The following FRMD5 variants were observed in gnomAD, a reference collection of about 807,000 sequenced individuals.
The protein encoded by FRMD5 is FERM domain containing 5, also known as FERM domain-containing protein 5.
Under a neutral mutation model 69.0 loss-of-function variants are expected in FRMD5, and 20 were observed. That is an observed-to-expected ratio of 0.29 (90% CI 0.20 to 0.42). The LOEUF (loss-of-function observed/expected upper bound fraction) is 0.42, where lower values mean the gene tolerates loss of function less well. Among genes scored for constraint, FRMD5 ranks in the 10% least tolerant of loss-of-function variants. The pLI, the probability that FRMD5 is intolerant of heterozygous loss-of-function variation, is 1.00. For missense variants in FRMD5, 595 were observed against 708.6 expected (o/e 0.84, Z 1.82); for synonymous variants, 271 against 260.1 (o/e 1.04, Z -0.40).
chr15:44,027,917 T>A (rs916984187), intron 1 of FRMD5, among the ~76,000 whole-genome samples: 1 of 152,016 alleles, frequency 6.6e-6, no homozygotes, highest in Non-Finnish European at 1.5e-5. Flanking sequence ...GTGCTGGGAT[T>A]ACAGGCATGA....
At chr15:43,932,188 C>G (rs2089687212) in intron 1 of FRMD5, among the ~76,000 whole-genome samples, 1 of 152,190 alleles carries the variant, frequency 6.6e-6, no homozygotes, top group South Asian at 2.1e-4. Context: ...GATGGATGGA[C>G]TTGAATGCAC....
At chr15:44,033,570 A>G (rs1041189675) in intron 1 of FRMD5, among the ~76,000 whole-genome samples, 4 of 152,186 alleles carry the variant, frequency 2.6e-5, no homozygotes, top group Non-Finnish European at 4.4e-5. Flanking sequence ...GCTTTCATTT[A>G]TTCCATTGTT....
intron 1 of FRMD5, among the ~76,000 whole-genome samples, chr15:44,020,698 G>A (rs1004277591): frequency 6.6e-6 from 1 of 152,160 alleles, no homozygotes; most frequent in Non-Finnish European, 1.5e-5. Flanking sequence ...CTATTCACAA[G>A]TAATAGCTAT....
chr15:44,018,326 C>A (rs552704216), intron 1 of FRMD5, among the ~76,000 whole-genome samples: 1 of 152,242 alleles, frequency 6.6e-6, no homozygotes, highest in East Asian at 1.9e-4. Flanking sequence ...TTGTTTCATG[C>A]CTCAGTGGGA....
chr15:44,104,432 A>G (rs1435806757), intron 1 of FRMD5, among the ~76,000 whole-genome samples: 1 of 152,196 alleles, frequency 6.6e-6, no homozygotes, highest in Non-Finnish European at 1.5e-5. Flanking sequence ...GTGTACATCA[A>G]TGTCTGAGAC....
intron 1 of FRMD5, among the ~76,000 whole-genome samples, chr15:44,117,448 G>A (rs2076885077): frequency 6.6e-6 from 1 of 152,164 alleles, no homozygotes; most frequent in African/African-American, 2.4e-5. Context: ...AGGACAAGAT[G>A]AAAGGGAAAA....
intron 1 of FRMD5, among the ~76,000 whole-genome samples, chr15:44,166,791 A>G (rs2077717195): frequency 6.8e-6 from 1 of 147,864 alleles, no homozygotes; most frequent in Non-Finnish European, 1.5e-5. Context: ...CTCAAAAAAA[A>G]AAAAAAAAAA....
At chr15:43,979,950 A>G (rs542503660) in intron 1 of FRMD5, among the ~76,000 whole-genome samples, 6 of 152,370 alleles carry the variant, frequency 3.9e-5, no homozygotes, top group African/African-American at 1.4e-4. Context: ...TAATTGGAGA[A>G]CAGAGTATTT....
intron 1 of FRMD5, among the ~76,000 whole-genome samples, chr15:44,006,657 C>A (rs1297611357): frequency 1.3e-5 from 2 of 152,030 alleles, no homozygotes; most frequent in Non-Finnish European, 2.9e-5. Flanking sequence ...TGATTCCAAC[C>A]CTTGATTTCA....
chr15:44,157,567 T>C (rs1266272606), intron 1 of FRMD5, among the ~76,000 whole-genome samples: 2 of 152,170 alleles, frequency 1.3e-5, no homozygotes, highest in African/African-American at 2.4e-5. Context: ...AATTGTTCAA[T>C]GTGCTAAAAC....
At chr15:44,142,252 C>T (rs2077285370) in intron 1 of FRMD5, among the ~76,000 whole-genome samples, 1 of 152,072 alleles carries the variant, frequency 6.6e-6, no homozygotes, top group Admixed American at 6.6e-5. Context: ...CCATCAAAAC[C>T]CTTATAAGAC....
At chr15:43,881,618 G>C (rs922395147) in intron 13 of FRMD5, among the ~76,000 whole-genome samples, 2 of 152,182 alleles carry the variant, frequency 1.3e-5, no homozygotes, top group Non-Finnish European at 2.9e-5. Flanking sequence ...ACTCTGCACT[G>C]TGCTTGCTGC....
At chr15:44,050,528 CTTTTTTTTTT>C (rs34133842) in intron 1 of FRMD5, among the ~76,000 whole-genome samples, 2 of 93,758 alleles carry the variant, frequency 2.1e-5, no homozygotes, top group African/African-American at 7.0e-5. Flanking sequence ...GCCTGGCTCC[CTTTTTTTTTT>C]TTTTTTTTTT....
intron 1 of FRMD5, among the ~76,000 whole-genome samples, chr15:44,098,115 C>T (rs2042740): frequency 5.1e-4 from 8 of 15,730 alleles, no homozygotes; most frequent in African/African-American, 9.0e-4. Context: ...AGTGACAAAA[C>T]AAAAAAAAAA....
chr15:43,950,714 G>A (rs926096620), intron 1 of FRMD5, among the ~76,000 whole-genome samples: 11 of 152,176 alleles, frequency 7.2e-5, no homozygotes, highest in Admixed American at 2.6e-4. Flanking sequence ...TTGACAATAA[G>A]GCACAGCTGG....
chr15:44,197,774 A>G (rs540470772), upstream of FRMD5, among the ~76,000 whole-genome samples: 1 of 152,282 alleles, frequency 6.6e-6, no homozygotes, highest in South Asian at 2.1e-4. Context: ...TAGAATCAAC[A>G]AGAGCAAGAA....
chr15:44,167,136 G>T (rs1446371377), intron 1 of FRMD5, among the ~76,000 whole-genome samples: 3 of 152,136 alleles, frequency 2.0e-5, no homozygotes, highest in Non-Finnish European at 4.4e-5. Context: ...GGTTCATATT[G>T]GCTGCCCAGA....
At chr15:43,888,536 C>T (rs1399961052) in intron 9 of FRMD5, among the ~76,000 whole-genome samples, 1 of 152,202 alleles carries the variant, frequency 6.6e-6, no homozygotes. Flanking sequence ...CTCTGGAATT[C>T]CCATATACAC....
At chr15:44,199,131 A>G (rs1215716466), upstream of FRMD5, among the ~76,000 whole-genome samples, 1 of 152,196 alleles carries the variant, frequency 6.6e-6, no homozygotes, top group Non-Finnish European at 1.5e-5. Flanking sequence ...AGATTTTGGC[A>G]GGAAGGAGTA....
Sources: gnomAD v4.1 joint callset for allele counts (sites outside exome capture counted in the v4.1 genomes callset) on GRCh38, gnomAD v4.1.1 for gene constraint, MANE v1.5 for transcripts, NCBI Gene and HGNC (gene_info 2026-07-23, HGNC 2026-07-21) for gene names.